Variants in GPATCH2 observed in about 807,000 individuals in gnomAD.
GPATCH2 encodes the protein G patch domain-containing protein 2.
Under a neutral mutation model 58.0 loss-of-function variants are expected in GPATCH2, and 51 were observed. That is an observed-to-expected ratio of 0.88 (90% CI 0.70 to 1.11). The LOEUF (loss-of-function observed/expected upper bound fraction) is 1.11. Ranked by LOEUF, GPATCH2 falls within the 50% of genes most tolerant of loss-of-function variation. The pLI is 0.00. For synonymous variants in GPATCH2, 222 were observed against 218.5 expected, an observed-to-expected ratio of 1.02 and a Z score of -0.14; for missense variants, 625 against 652.2, an observed-to-expected ratio of 0.96 and a Z score of 0.45.
At chr1:217,449,567 C>T (rs574955713) in intron 8 of GPATCH2, among the ~76,000 whole-genome samples, 2 of 152,132 alleles carry the variant, frequency 1.3e-5, no homozygotes, top group East Asian at 3.9e-4. Context: ...AAAAGGAATG[C>T]TTTTTAATTT....
chr1:217,453,711 T>A (rs566153579), intron 8 of GPATCH2, among the ~76,000 whole-genome samples: 1 of 152,096 alleles, frequency 6.6e-6, no homozygotes, highest in Non-Finnish European at 1.5e-5. Context: ...AAAACTCTAC[T>A]GAGAACCACC....
At chr1:217,593,615 G>T (rs1185559600) in intron 5 of GPATCH2, among the ~76,000 whole-genome samples, 10 of 151,904 alleles carry the variant, frequency 6.6e-5, no homozygotes, top group Admixed American at 6.6e-4. Context: ...ATTTTATGAG[G>T]CTTAAAGTAG....
At chr1:217,454,503 G>GGC (rs1428033558) in intron 8 of GPATCH2, among the ~76,000 whole-genome samples, 10 of 150,850 alleles carry the variant, frequency 6.6e-5, no homozygotes, top group Admixed American at 6.6e-4. Context: ...GCAGGAGAAT[G>GGC]GCGTGAACCC....
chr1:217,488,527 A>G (rs1049821117), intron 8 of GPATCH2, among the ~76,000 whole-genome samples: 1 of 152,076 alleles, frequency 6.6e-6, no homozygotes. Context: ...CATCTAGCAT[A>G]TATCCTGTTC....
chr1:217,560,934 G>C (rs2102691387), intron 5 of GPATCH2, among the ~76,000 whole-genome samples: 1 of 152,324 alleles, frequency 6.6e-6, no homozygotes, highest in East Asian at 1.9e-4. Flanking sequence ...AGTTGGCATA[G>C]ACAGTGGTAA....
intron 8 of GPATCH2, among the ~76,000 whole-genome samples, chr1:217,458,229 C>T (rs1473835139): frequency 6.6e-6 from 1 of 151,758 alleles, no homozygotes; most frequent in African/African-American, 2.4e-5. Context: ...AACTCCGTCT[C>T]AAAAAAAAGA....
At chr1:217,593,734 T>A (rs956123091) in intron 5 of GPATCH2, among the ~76,000 whole-genome samples, 23 of 152,030 alleles carry the variant, frequency 1.5e-4, no homozygotes, top group African/African-American at 5.6e-4. Context: ...CTAAAATTTT[T>A]CTATGTTTTC....
intron 5 of GPATCH2, among the ~76,000 whole-genome samples, chr1:217,565,984 C>T (rs946253710): frequency 6.6e-6 from 1 of 151,488 alleles, no homozygotes; most frequent in African/African-American, 2.4e-5. Flanking sequence ...GCCTGTAATC[C>T]CAGCTACTAG....
intron 5 of GPATCH2, among the ~76,000 whole-genome samples, chr1:217,583,085 T>C (rs4846425): frequency 0.25 from 38,609 of 152,096 alleles, 5,309 homozygotes; most frequent in East Asian, 0.52. Context: ...TATTAGATTA[T>C]TCCTACTAAC....
chr1:217,608,242 A>C (rs2102809388), intron 5 of GPATCH2: 1 of 974,726 alleles, frequency 1.0e-6, no homozygotes, highest in African/African-American at 1.7e-5. Context: ...AGTACTTAAA[A>C]ATTCAAACAA....
At position 217,502,165 on chromosome 1, in the gene GPATCH2, C is replaced by T. The variant is rs981821404; in HGVS notation, c.1167-3770G>A. On this transcript the variant is annotated intron_variant, in intron 6 of 9. Coordinates refer to ENST00000366935, the MANE Select transcript of GPATCH2 (RefSeq NM_018040.5). Reference sequence around the variant, plus strand: ...AAATCTGGTAGGATAATTCCTACAACTTTGTTCTTTTTAAAAAAATTGTTT... The same window carrying T: ...AAATCTGGTAGGATAATTCCTACAATTTTGTTCTTTTTAAAAAAATTGTTT... 2.0e-5 allele frequency among the ~76,000 whole-genome samples: 3 copies of T among 152,110 alleles called. No homozygotes were observed. In the South Asian group the frequency reaches 6.2e-4, roughly 32 times the overall value.
chr1:217,602,005 A>C (rs566164288), intron 5 of GPATCH2, among the ~76,000 whole-genome samples: 1 of 152,294 alleles, frequency 6.6e-6, no homozygotes, highest in South Asian at 2.1e-4. Flanking sequence ...AGGTCCAGTA[A>C]AAATTTAAGG....
At chr1:217,519,539 G>GAGTT (rs1663343894) in intron 5 of GPATCH2, among the ~76,000 whole-genome samples, 1 of 152,124 alleles carries the variant, frequency 6.6e-6, no homozygotes, top group Non-Finnish European at 1.5e-5. Flanking sequence ...TCTAAGAAGG[G>GAGTT]AGTTGCATGC....
At chr1:217,439,694 T>A (rs1473316464) in intron 9 of GPATCH2, among the ~76,000 whole-genome samples, 1 of 152,146 alleles carries the variant, frequency 6.6e-6, no homozygotes, top group African/African-American at 2.4e-5. Flanking sequence ...TCACCACTGA[T>A]CCCACAGATA....
chr1:217,496,836 A>G lies in GPATCH2; in HGVS notation c.1206+1520T>C, dbSNP rs75912740. Reference sequence around the variant, plus strand: ...AGTGTTTGAGTTGACTACATAGAACATAACTACCATATGTAACAAGAATTA... The same window carrying G: ...AGTGTTTGAGTTGACTACATAGAACGTAACTACCATATGTAACAAGAATTA... On this transcript the variant is annotated intron_variant, in intron 7 of 9. Transcript: ENST00000366935. Among the ~76,000 whole-genome samples, 900 of 152,334 alleles carry G rather than the reference A, an allele frequency of 5.9e-3. 8 individuals carry two copies. The highest frequency in any genetic ancestry group is 0.021 in the African/African-American group (859 of 41,572).
At chr1:217,469,655 CATT>C (rs1660630097) in intron 8 of GPATCH2, among the ~76,000 whole-genome samples, 1 of 151,886 alleles carries the variant, frequency 6.6e-6, no homozygotes. Flanking sequence ...TATTTTTATT[CATT>C]ATTAAGTAAA....
chr1:217,524,590 A>T (rs1663718485), intron 5 of GPATCH2, among the ~76,000 whole-genome samples: 1 of 151,730 alleles, frequency 6.6e-6, no homozygotes, highest in Non-Finnish European at 1.5e-5. Flanking sequence ...TGAGTGAAGG[A>T]GACTCCGTCT....
At chr1:217,435,612 C>G (rs776133961) in intron 9 of GPATCH2, among the ~76,000 whole-genome samples, 1 of 152,196 alleles carries the variant, frequency 6.6e-6, no homozygotes, top group African/African-American at 2.4e-5. Context: ...TGTGATCACT[C>G]TTTCTTCCCA....
chr1:217,609,869 A>T, intron 5 of GPATCH2: 1 of 1,037,466 alleles, frequency 9.6e-7, no homozygotes, highest in Non-Finnish European at 1.2e-6. Context: ...AAGTATACAT[A>T]AATGGATTCA....
Sources: allele counts gnomAD v4.1 joint callset (sites outside exome capture counted in the v4.1 genomes callset), GRCh38; gene constraint gnomAD v4.1.1; transcripts MANE v1.5; gene names NCBI Gene and HGNC (gene_info 2026-07-23, HGNC 2026-07-21).